The following PCDH17 variants were observed in gnomAD, a reference collection of about 807,000 sequenced individuals.
The protein encoded by PCDH17 is protocadherin-17.
PCDH17 carries 21 observed loss-of-function variants against 67.7 expected under a neutral mutation model. That is an observed-to-expected ratio of 0.31 (90% CI 0.22 to 0.45). The LOEUF (loss-of-function observed/expected upper bound fraction) is 0.45, where lower values mean the gene tolerates loss of function less well. PCDH17 is among the 20% of genes least tolerant of loss of function. PCDH17 has a pLI of 1.00. For synonymous variants in PCDH17, 701 were observed against 656.7 expected (o/e 1.07, Z -1.03); for missense variants, 1,471 against 1,564.8 (o/e 0.94, Z 1.01).
intron 3 of PCDH17, among the ~76,000 whole-genome samples, chr13:57,683,267 T>C (rs1213760760): frequency 6.6e-6 from 1 of 151,904 alleles, no homozygotes; most frequent in Non-Finnish European, 1.5e-5. Context: ...GATAGAATGA[T>C]CATGTTTTTC....
chr13:57,724,481 A>T (rs1955896185), intron 3 of PCDH17, 131 bp from the exon 4 acceptor site: 1 of 674,906 alleles, frequency 1.5e-6, no homozygotes. Context: ...TGTTTTAATT[A>T]TTGTTTTCTT....
rs1246021727 is a variant in PCDH17, at chr13:57,726,527, C to T, written c.*1233C>T. The stretch of plus-strand genomic sequence containing the variant: ...CCATGGAGTGTGGGAAGCAGTGCCT[C>T]AGAGCAAAGTCTCTTGTTTAATGTA... On this transcript the variant is annotated 3_prime_UTR_variant, in exon 4 of 4. Coordinates refer to ENST00000377918, the MANE Select transcript of PCDH17 (RefSeq NM_001040429.3). The T allele has an allele frequency of 6.6e-6, 1 of 152,602 alleles. No individual in the cohort carries two copies. Among genetic ancestry groups the T allele is most frequent in the Non-Finnish European group, 1.5e-5 (1 of 68,026 alleles). 9.5% of individuals were successfully genotyped at this position (152,602 alleles called of 1,614,324 possible).
chr13:57,705,135 A>G (rs1023306044), intron 3 of PCDH17, among the ~76,000 whole-genome samples: 6 of 152,118 alleles, frequency 3.9e-5, no homozygotes, highest in African/African-American at 1.4e-4. Flanking sequence ...ATAAAACCCA[A>G]AAGAAACAAA....
rs1955055543 is a variant in PCDH17 at position 57,652,556 on chromosome 13, A to G, written c.2566-13912A>G. Among the ~76,000 whole-genome samples the G allele has an allele frequency of 2.0e-5, 3 of 152,178 alleles. No individual in the cohort carries two copies. In the South Asian group the frequency reaches 6.2e-4, roughly 31 times the overall value. On this transcript the variant is annotated intron_variant, in intron 1 of 3. Coordinates refer to ENST00000377918, the MANE Select transcript of PCDH17 (RefSeq NM_001040429.3). ...CTATATAAATTGTGACTTCTTTTTT[A>G]TGGAGAGAGGCCTTTTAGGAAGGAA...
At chr13:57,691,665 T>C (rs2138062534) in intron 3 of PCDH17, among the ~76,000 whole-genome samples, 1 of 151,410 alleles carries the variant, frequency 6.6e-6, no homozygotes, top group Non-Finnish European at 1.5e-5. Context: ...AAGCTTTACA[T>C]ATAGCTTCAC....
intron 3 of PCDH17, among the ~76,000 whole-genome samples, chr13:57,695,742 A>G (rs1328803943): frequency 6.6e-6 from 1 of 151,342 alleles, no homozygotes; most frequent in African/African-American, 2.4e-5. Context: ...CCACGTCTCT[A>G]CTTTATATTC....
Position 57,632,979 on chromosome 13 carries a change from G to A in PCDH17, c.433G>A (p.Ala145Thr), listed in dbSNP as rs1228730508. 6.2e-7 allele frequency: 1 copy of A among 1,613,322 alleles called. No individual in the cohort carries two copies. Among genetic ancestry groups the A allele is most frequent in the African/African-American group, 1.3e-5 (1 of 75,034 alleles). The change falls in exon 1 of 4, where the codon GCT (alanine) becomes ACT (threonine). Residue 145 changes from alanine to threonine, a missense_variant. This residue lies in a region of PCDH17 where 1,163 missense variants were observed against 1,230.0 expected (regional missense o/e 0.95). Coordinates refer to ENST00000377918, the MANE Select transcript of PCDH17 (RefSeq NM_001040429.3). ...GATCGAAATGGACATCTCGGAGAAC[G>A]CTGCTCCGGGCACCCGCTTCCCCCT... ...DQIEMDISEN[A>T]APGTRFPLTS... is the part of the protein sequence containing the mutation.
intron 1 of PCDH17, among the ~76,000 whole-genome samples, chr13:57,661,757 T>A (rs980241553): frequency 6.6e-6 from 1 of 152,208 alleles, no homozygotes; most frequent in African/African-American, 2.4e-5. Context: ...CAACTGTTCA[T>A]ATTTGTGTGG....
rs913984950 is a variant in PCDH17 at position 57,635,194 on chromosome 13, A to G, written c.2565+83A>G. ...TGAAACCTTTGGAACAGGGCAAGCC[A>G]CTCTGCCAGCAGCAGTGAGGGGGAA... is the stretch of plus-strand genomic sequence containing the variant. On this transcript the variant is annotated intron_variant, in intron 1 of 3. Coordinates refer to ENST00000377918, the MANE Select transcript of PCDH17 (RefSeq NM_001040429.3). 5 of 1,412,864 alleles carry G rather than the reference A, an allele frequency of 3.5e-6. No individual in the cohort carries two copies. In the African/African-American group the frequency reaches 4.3e-5, roughly 12 times the overall value. The allele number at this position is 1,412,864 out of a possible 1,614,324, so 87.5% of individuals were successfully genotyped here.
At chr13:57,717,097 T>C (rs533230226) in intron 3 of PCDH17, among the ~76,000 whole-genome samples, 1 of 152,064 alleles carries the variant, frequency 6.6e-6, no homozygotes. Flanking sequence ...CTTCAGCCAG[T>C]TCTCTTCGGG....
chr13:57,672,868 A>G (rs114996264), intron 3 of PCDH17, among the ~76,000 whole-genome samples: 1,834 of 152,074 alleles, frequency 0.012, 35 homozygotes, highest in African/African-American at 0.039. Flanking sequence ...CCTGTGGCCC[A>G]ATAGCAAGAT....
At chr13:57,703,414 T>A (rs1955687431) in intron 3 of PCDH17, among the ~76,000 whole-genome samples, 1 of 151,968 alleles carries the variant, frequency 6.6e-6, no homozygotes, top group African/African-American at 2.4e-5. Flanking sequence ...TGCAAGAAAG[T>A]GTATAGTGGA....
In PCDH17 at chr13:57,707,560, A is replaced by G. The variant is rs117309690; in HGVS notation, c.2798-17052A>G. On this transcript the variant is annotated intron_variant, in intron 3 of 3. Coordinates refer to ENST00000377918, the MANE Select transcript of PCDH17 (RefSeq NM_001040429.3). ...TCTAAAGCCACTTCTACATTTTTAG[A>G]TATTTTTTACAGCAGCACCTCACTT... Among the ~76,000 whole-genome samples the G allele has an allele frequency of 6.1e-4, 93 of 152,170 alleles. No individual in the cohort carries two copies. In the East Asian group the frequency reaches 0.017, roughly 28 times the overall value.
intron 1 of PCDH17, among the ~76,000 whole-genome samples, chr13:57,649,774 T>C (rs1955013068): frequency 6.6e-6 from 1 of 152,196 alleles, no homozygotes; most frequent in African/African-American, 2.4e-5. Flanking sequence ...ATATTTGTGA[T>C]ATTTTGTCCT....
Position 57,633,091 on chromosome 13 carries a change from A to T in PCDH17, c.545A>T (p.Asp182Val). Residue 182 changes from aspartate (D) to valine (V), a missense_variant, in exon 1 of 4, where the codon GAC (aspartate) becomes GTC (valine). Coordinates refer to ENST00000377918, the MANE Select transcript of PCDH17 (RefSeq NM_001040429.3). The surrounding 1 kb of genome is among the most constrained non-coding windows in gnomAD (Gnocchi z 6.2). ...TRDDHGLFGL[D>V]VKSRGDGTKF... ...GACGATCACGGCCTCTTTGGACTGG[A>T]CGTTAAGTCCCGCGGCGACGGCACC... is the stretch of plus-strand genomic sequence containing the variant. 6.2e-7 allele frequency: 1 copy of T among 1,613,368 alleles called. No homozygotes were observed. The highest frequency in any genetic ancestry group is 1.1e-5 in the South Asian group (1 of 91,050).
chr13:57,677,450 A>G (rs1034791395), intron 3 of PCDH17, among the ~76,000 whole-genome samples: 4 of 151,822 alleles, frequency 2.6e-5, no homozygotes, highest in African/African-American at 7.2e-5. Context: ...ACTTTAAGAG[A>G]TAAGGAGAAA....
intron 1 of PCDH17, among the ~76,000 whole-genome samples, chr13:57,643,339 A>C (rs2137987768): frequency 6.6e-6 from 1 of 151,772 alleles, no homozygotes; most frequent in Admixed American, 6.6e-5. Flanking sequence ...AGTAATTTGG[A>C]AAAGGCAATT....
intron 1 of PCDH17, among the ~76,000 whole-genome samples, chr13:57,653,584 A>G (rs903220654): frequency 6.6e-6 from 1 of 152,244 alleles, no homozygotes; most frequent in Non-Finnish European, 1.5e-5. Context: ...AAATAATTAT[A>G]ATGGACCTAT....
chr13:57,630,459 G>C (rs1394147499), upstream of PCDH17, among the ~76,000 whole-genome samples: 1 of 151,868 alleles, frequency 6.6e-6, no homozygotes, highest in Non-Finnish European at 1.5e-5. Context: ...ACTATGATGC[G>C]AGGCTAAGCT....
Sources: allele counts gnomAD v4.1 joint callset (sites outside exome capture counted in the v4.1 genomes callset), GRCh38; gene constraint gnomAD v4.1.1; regional missense constraint gnomAD v4.1.1; non-coding constraint Gnocchi (gnomAD v3.1); transcripts MANE v1.5; gene names NCBI Gene and HGNC (gene_info 2026-07-23, HGNC 2026-07-21).